Variants in DCHS1 observed in about 807,000 individuals in gnomAD.
The protein encoded by DCHS1 is protocadherin-16.
Under a neutral mutation model 213.9 loss-of-function variants are expected in DCHS1, and 78 were observed. The observed-to-expected ratio is 0.36, with a 90% CI of 0.30 to 0.44. DCHS1 has a LOEUF of 0.44. Ranked by LOEUF, DCHS1 falls within the 20% of genes least tolerant of loss-of-function variation. The pLI is 1.00. For missense variants in DCHS1, 3,946 were observed against 4,395.9 expected, an observed-to-expected ratio of 0.90 and a Z score of 2.89; for synonymous variants, 1,828 against 1,873.7, an observed-to-expected ratio of 0.98 and a Z score of 0.63.
intron 2 of DCHS1, 117 bp from the exon 3 acceptor site, chr11:6,634,423 G>C: frequency 8.4e-7 from 1 of 1,192,352 alleles, no homozygotes; most frequent in Non-Finnish European, 1.1e-6. Flanking sequence ...ACACAGAGAG[G>C]ACTAGTAGGA....
chr11:6,631,788 G>T lies in DCHS1; in HGVS notation c.3503C>A (p.Thr1168Asn), dbSNP rs529000213. 2.3e-5 allele frequency: 35 copies of T among 1,545,488 alleles called. No individual in the cohort carries two copies. The East Asian group carries it at 6.3e-4, about 28-fold the overall frequency. Residue 1168 changes from threonine to asparagine, a missense_variant, in exon 7 of 21, where the codon ACC becomes AAC. Transcript: ENST00000299441. ...GCTGCTCTGCTGCTCACGGTCCAGG[G>T]TTTGGAGTGTGGTCACTTCTCCTGG... ...PQTGEVTTLQ[T>N]LDREQQSSYQ...
intron 1 of DCHS1, among the ~76,000 whole-genome samples, chr11:6,653,161 T>A (rs1564873181): frequency 6.6e-6 from 1 of 152,176 alleles, no homozygotes. Context: ...AGACTCTCCC[T>A]CTCTCGTCAC....
At chr11:6,631,238 C>T in intron 8 of DCHS1, 28 bp from the exon 9 acceptor site, 1 of 1,612,778 alleles carries the variant, frequency 6.2e-7, no homozygotes, top group Non-Finnish European at 8.5e-7. Flanking sequence ...AAGATGAGGG[C>T]TTGGGGCCCA....
In DCHS1 at chr11:6,649,851, T is replaced by C. The variant is rs74829950; in HGVS notation, c.-121+5712A>G. Among the ~76,000 whole-genome samples the C allele has an allele frequency of 6.6e-5, 10 of 152,170 alleles. No individual in the cohort carries two copies. The South Asian group carries it at 1.2e-3, about 19-fold the overall frequency. On this transcript the variant is annotated intron_variant, in intron 1 of 20. Transcript: ENST00000299441. ...AGTTGGAGATGTAGCAACCAGAATG[T>C]TGAAGGAGAAGAACAAATTTGGAAA... is the stretch of plus-strand genomic sequence containing the variant.
chr11:6,628,524 G>A lies in DCHS1; in HGVS notation c.5371+97C>T. The A allele has an allele frequency of 7.2e-7, 1 of 1,382,480 alleles. No homozygotes were observed. Among genetic ancestry groups the A allele is most frequent in the South Asian group, 1.2e-5 (1 of 83,890 alleles). The allele number at this position is 1,382,480 out of a possible 1,614,324, so 85.6% of individuals were successfully genotyped here. The stretch of plus-strand genomic sequence containing the variant: ...GGTGGACGACATCAAGAGGGAAAAG[G>A]AGACCCAGACACATGCACTGAGGCT... On this transcript the variant is annotated intron_variant, in intron 13 of 20. Transcript: ENST00000299441. The surrounding 1 kb of genome is among the most constrained non-coding windows in gnomAD (Gnocchi z 4.3).
intron 1 of DCHS1, among the ~76,000 whole-genome samples, chr11:6,651,167 G>A (rs1399342901): frequency 6.6e-6 from 1 of 152,192 alleles, no homozygotes; most frequent in Admixed American, 6.5e-5. Flanking sequence ...CAGGGAAGAG[G>A]CAATGACAAC....
rs1008908311 is a variant in DCHS1 at position 6,633,527 on chromosome 11, A to G, written c.2340T>C (p.Ile780=). Reference sequence around the variant, plus strand: ...TGGGTGGTGTGGGGGTTCCAGGCACAATGCTGATGTCCACTCGGGCACTGG... The same window carrying G: ...TGGGTGGTGTGGGGGTTCCAGGCACGATGCTGATGTCCACTCGGGCACTGG... ...AEPSARVDIS[I]VPGTPTPPIF... The change falls in exon 5 of 21, where the codon ATT becomes ATC. Residue 780 remains isoleucine (I), a synonymous_variant. Coordinates refer to ENST00000299441, the MANE Select transcript of DCHS1 (RefSeq NM_003737.4). 1.3e-6 allele frequency: 2 copies of G among 1,586,738 alleles called. No individual in the cohort carries two copies. Among genetic ancestry groups the G allele is most frequent in the African/African-American group, 2.7e-5 (2 of 74,266 alleles).
In DCHS1 at chr11:6,640,762, A is replaced by G. The variant is rs1253302042; in HGVS notation, c.852T>C (p.Ala284=). 2 of 1,613,970 alleles carry G rather than the reference A, an allele frequency of 1.2e-6. No individual in the cohort carries two copies. Among genetic ancestry groups the G allele is most frequent in the Non-Finnish European group, 1.7e-6 (2 of 1,179,880 alleles). The change falls in exon 2 of 21, where the codon GCT becomes GCC. Residue 284 remains alanine (A), a synonymous_variant. Transcript: ENST00000299441. The surrounding 1 kb of genome is among the most constrained non-coding windows in gnomAD (Gnocchi z 6.5). ...CGTAAGTCACAGCCCCATTGACACC[A>G]GCATCGGCATCAGATGCGAACACCT... is the stretch of plus-strand genomic sequence containing the variant. ...VLQVFASDAD[A]GVNGAVTYEI...
At position 6,625,411 on chromosome 11, in the gene DCHS1, A is replaced by G. The variant is rs1425636939; in HGVS notation, c.6933T>C (p.Tyr2311=). ...CCTGGGGCCCAGATGGGCTTAGCAC[A>G]TACCACAGCACGGGTCCTGAGTCCA... is the stretch of plus-strand genomic sequence containing the variant. ...NDVDSGPVLW[Y]VLSPSGPQDP... is the part of the protein sequence containing the mutation. Residue 2311 remains tyrosine (Y), a synonymous_variant, in exon 19 of 21, where the codon TAT becomes TAC. Coordinates refer to ENST00000299441, the MANE Select transcript of DCHS1 (RefSeq NM_003737.4). This position sits in a 1 kb window ranked among gnomAD's most constrained non-coding sequence, Gnocchi z 5.3. 1.2e-6 allele frequency: 2 copies of G among 1,608,088 alleles called. No homozygotes were observed. Among genetic ancestry groups the G allele is most frequent in the Admixed American group, 1.7e-5 (1 of 59,088 alleles).
Position 6,630,060 on chromosome 11 carries a change from T to C in DCHS1, c.4734A>G (p.Ala1578=). Residue 1578 remains alanine (A), a synonymous_variant, in exon 10 of 21, where the codon GCA becomes GCG. Transcript: ENST00000299441. ...CAGATGCCAGCCGATAGGACACGCG[T>C]GCAGCCTCGCCCAGATCCGGGTCCC... is the stretch of plus-strand genomic sequence containing the variant. ...VARDPDLGEA[A]RVSYRLASGG... The C allele has an allele frequency of 6.4e-7, 1 of 1,566,896 alleles. No homozygotes were observed. Among genetic ancestry groups the C allele is most frequent in the Non-Finnish European group, 8.7e-7 (1 of 1,153,626 alleles).
chr11:6,639,807 G>C lies in DCHS1; in HGVS notation c.1797+10C>G, dbSNP rs750255014. On this transcript the variant is annotated intron_variant, in intron 2 of 20. Transcript: ENST00000299441. ...CCAACACTATCTTGCTATGTGCCAG[G>C]CCTACCCACCTGCAGGAAGCAAGTT... 6.3e-7 allele frequency: 1 copy of C among 1,579,530 alleles called. No homozygotes were observed. Among genetic ancestry groups the C allele is most frequent in the South Asian group, 1.2e-5 (1 of 85,294 alleles).
intron 1 of DCHS1, among the ~76,000 whole-genome samples, chr11:6,650,318 A>G (rs775456327): frequency 6.6e-6 from 1 of 152,160 alleles, no homozygotes; most frequent in Non-Finnish European, 1.5e-5. Flanking sequence ...TCACCAGGAG[A>G]CACAGGGAAA....
At chr11:6,653,155 T>C (rs943057083) in intron 1 of DCHS1, among the ~76,000 whole-genome samples, 6 of 152,128 alleles carry the variant, frequency 3.9e-5, no homozygotes, top group Non-Finnish European at 8.8e-5. Context: ...TCCCACAGAC[T>C]CTCCCTCTCT....
rs767319271 is a variant in DCHS1 at position 6,622,194 on chromosome 11, T to C, written c.9482A>G (p.Tyr3161Cys). Reference protein sequence around the residue: ...VAGEEELRGSYNWDYLLSWCP... With the variant: ...VAGEEELRGSCNWDYLLSWCP... Reference sequence around the variant, plus strand: ...CCAGCTCAGCAGGTAGTCCCAGTTATAGCTGCCACGGAGCTCCTCCTCGCC... The same window carrying C: ...CCAGCTCAGCAGGTAGTCCCAGTTACAGCTGCCACGGAGCTCCTCCTCGCC... The change falls in exon 21 of 21, where the codon TAT (tyrosine) becomes TGT (cysteine). Residue 3161 changes from tyrosine (Y) to cysteine (C), a missense_variant. Physicochemically the swap from Tyr to Cys is radical, Grantham distance 194 (BLOSUM62 -2). This residue lies in a region of DCHS1 where 554 missense variants were observed against 590.2 expected (regional missense o/e 0.94). Transcript: ENST00000299441. The surrounding 1 kb of genome is among the most constrained non-coding windows in gnomAD (Gnocchi z 5.4). The C allele has an allele frequency of 6.2e-6, 10 of 1,606,168 alleles. No individual in the cohort carries two copies. Among genetic ancestry groups the C allele is most frequent in the African/African-American group, 1.3e-5 (1 of 74,844 alleles).
In DCHS1 at chr11:6,640,506, C is replaced by T. The variant is rs767229397; in HGVS notation, c.1108G>A (p.Asp370Asn). ...PSMTVIFLSA[D>N]GSPQVSEAAP... ...GCCTCAGACACTTGGGGGGAGCCAT[C>T]TGCACTGAGAAAGATGACAGTCATG... Residue 370 changes from aspartate (D) to asparagine (N), a missense_variant, in exon 2 of 21, where the codon GAT becomes AAT. Asp to Asn is a conservative substitution (Grantham distance 23). Around this residue, in one of 3 missense-constraint regions of DCHS1, gnomAD observed 3,384 missense variants for 3,780.1 expected, o/e 0.90. Transcript: ENST00000299441. This position sits in a 1 kb window ranked among gnomAD's most constrained non-coding sequence, Gnocchi z 6.5. The T allele has an allele frequency of 8.1e-6, 13 of 1,612,982 alleles. No individual in the cohort carries two copies. The highest frequency in any genetic ancestry group is 1.1e-5 in the Non-Finnish European group (13 of 1,179,884).
intron 2 of DCHS1, among the ~76,000 whole-genome samples, chr11:6,638,054 A>G (rs1856012572): frequency 6.6e-6 from 1 of 152,166 alleles, no homozygotes; most frequent in Non-Finnish European, 1.5e-5. Context: ...GAAGTCTGGA[A>G]GCCATAGCCC....
chr11:6,627,710 G>T lies in DCHS1; in HGVS notation c.5372-43C>A. The T allele has an allele frequency of 1.3e-6, 2 of 1,574,964 alleles. No individual in the cohort carries two copies. Among genetic ancestry groups the T allele is most frequent in the South Asian group, 2.3e-5 (2 of 87,108 alleles). On this transcript the variant is annotated intron_variant, in intron 13 of 20. Coordinates refer to ENST00000299441, the MANE Select transcript of DCHS1 (RefSeq NM_003737.4). This position sits in a 1 kb window ranked among gnomAD's most constrained non-coding sequence, Gnocchi z 5.4. Reference sequence around the variant, plus strand: ...CACATATAAATATACATGTGTCGTGGGGATGGGGGTGATTTACAGACAACA... The same window carrying T: ...CACATATAAATATACATGTGTCGTGTGGATGGGGGTGATTTACAGACAACA...
Position 6,626,236 on chromosome 11 carries a change from C to T in DCHS1, c.6509G>A (p.Arg2170His), listed in dbSNP as rs147106756. 134 of 1,612,052 alleles carry T rather than the reference C, an allele frequency of 8.3e-5. No individual in the cohort carries two copies. The highest frequency in any genetic ancestry group is 9.6e-5 in the Non-Finnish European group (113 of 1,179,046). The change falls in exon 16 of 21, where the codon CGT becomes CAT. Residue 2170 changes from arginine (R) to histidine (H), a missense_variant. Coordinates refer to ENST00000299441, the MANE Select transcript of DCHS1 (RefSeq NM_003737.4). The surrounding 1 kb of genome is among the most constrained non-coding windows in gnomAD (Gnocchi z 5.2). ...GGCCACATAATGGGGCCGCAGGAAACGGGGAGCATTGTCGTTGGCATCTTG... is the reference window on the plus strand; with the variant it reads ...GGCCACATAATGGGGCCGCAGGAAATGGGGAGCATTGTCGTTGGCATCTTG... The part of the protein sequence containing the change: ...TLQDANDNAP[R>H]FLRPHYVAFL...
At chr11:6,644,205 G>A (rs932571516) in intron 1 of DCHS1, among the ~76,000 whole-genome samples, 18 of 152,104 alleles carry the variant, frequency 1.2e-4, no homozygotes, top group African/African-American at 3.4e-4. Context: ...GCCCCTCTAC[G>A]GAAAGAAAGG....
Sources: allele counts gnomAD v4.1 joint callset (sites outside exome capture counted in the v4.1 genomes callset), GRCh38; gene constraint gnomAD v4.1.1; regional missense constraint gnomAD v4.1.1; non-coding constraint Gnocchi (gnomAD v3.1); transcripts MANE v1.5; gene names NCBI Gene and HGNC (gene_info 2026-07-23, HGNC 2026-07-21).